The following C19orf38 variants were observed in gnomAD, a reference collection of about 807,000 sequenced individuals.
C19orf38 encodes chromosome 19 open reading frame 38.
A neutral mutation model predicts 26.6 loss-of-function variants in C19orf38; 14 were observed. The ratio of observed to expected loss-of-function variants is 0.53; its 90% CI spans 0.35 to 0.82. C19orf38 has a LOEUF of 0.82. Ranked by LOEUF, C19orf38 falls within the 40% of genes least tolerant of loss-of-function variation. The pLI is 0.01. For missense variants in C19orf38, 261 were observed against 299.5 expected (o/e 0.87, Z 0.95); for synonymous variants, 132 against 128.5 (o/e 1.03, Z -0.18).
chr19:10,863,181 G>T lies in C19orf38; in HGVS notation c.517G>T (p.Asp173Tyr). 6.4e-7 allele frequency: 1 copy of T among 1,551,442 alleles called. No individual in the cohort carries two copies. The highest frequency in any genetic ancestry group is 8.7e-7 in the Non-Finnish European group (1 of 1,146,852). The stretch of plus-strand genomic sequence containing the variant: ...TCTTTCTGTTTCAGACATGTCCTTC[G>T]ATAACTCCCTGTTTACCGTCTCCGC... ...INFDSTDMSF[D>Y]NSLFTVSAKT... The change falls in exon 6 of 7, where the codon GAT becomes TAT. Residue 173 changes from aspartate (D) to tyrosine (Y), a missense_variant. Asp to Tyr is a radical substitution (Grantham distance 160). Transcript: ENST00000397820.
intron 1 of C19orf38, among the ~76,000 whole-genome samples, chr19:10,843,151 A>T (rs1223154532): frequency 6.6e-6 from 1 of 152,226 alleles, no homozygotes; most frequent in Non-Finnish European, 1.5e-5. Flanking sequence ...TAAAGCGAAG[A>T]CACCACTCAA....
At chr19:10,856,507 T>A (rs1219378511) in intron 3 of C19orf38, 150 bp downstream of exon 3, 2 of 476,942 alleles carry the variant, frequency 4.2e-6, no homozygotes, top group Non-Finnish European at 6.9e-6. Flanking sequence ...TTTATTTATT[T>A]ATTATTTTTC....
intron 4 of C19orf38, 119 bp downstream of exon 4, chr19:10,858,462 T>C: frequency 3.1e-6 from 3 of 970,200 alleles, no homozygotes; most frequent in South Asian, 1.5e-5. Flanking sequence ...TGCTGCGTAA[T>C]AGGAACAGGA....
chr19:10,850,649 C>T, intron 2 of C19orf38, 82 bp downstream of exon 2: 15 of 1,433,032 alleles, frequency 1.0e-5, no homozygotes, highest in Non-Finnish European at 1.2e-5. Context: ...GACTCAGAGG[C>T]CTTCCCAGAA....
chr19:10,848,512 C>A lies in C19orf38; in HGVS notation c.4C>A (p.Pro2Thr), dbSNP rs1312220190. Residue 2 changes from proline to threonine, a missense_variant, in exon 1 of 7, where the codon CCC becomes ACC. Transcript: ENST00000397820. Reference protein sequence around the residue: MPWTILLFAAGS... With the variant: MTWTILLFAAGS... ...TCCCAGCCAAACGCAGAGAGAGATG[C>A]CCTGGACCATCTTGCTCTTTGCAGC... is the stretch of plus-strand genomic sequence containing the variant. 3.9e-6 allele frequency: 6 copies of A among 1,551,666 alleles called. No individual in the cohort carries two copies. The highest frequency in any genetic ancestry group is 5.2e-6 in the Non-Finnish European group (6 of 1,146,920).
At chr19:10,838,206 C>T (rs1053338898) in intron 1 of C19orf38, among the ~76,000 whole-genome samples, 3 of 152,112 alleles carry the variant, frequency 2.0e-5, no homozygotes, top group African/African-American at 4.8e-5. Context: ...GTCAGGAGAT[C>T]GAGACTATCC....
chr19:10,857,900 AAG>A (rs1357609668), intron 3 of C19orf38, among the ~76,000 whole-genome samples: 3 of 71,220 alleles, frequency 4.2e-5, no homozygotes, highest in African/African-American at 9.2e-5. Context: ...CAAAAAAAGA[AAG>A]AAAGAAAGAA....
At chr19:10,868,711 G>A (rs2073775364) in intron 6 of C19orf38, among the ~76,000 whole-genome samples, 1 of 152,048 alleles carries the variant, frequency 6.6e-6, no homozygotes. Flanking sequence ...TCACCATGTT[G>A]GCCAGGCTGG....
intron 2 of C19orf38, among the ~76,000 whole-genome samples, chr19:10,855,997 G>A (rs1209069855): frequency 2.0e-5 from 3 of 152,146 alleles, no homozygotes. Flanking sequence ...CTAGCCAGAG[G>A]AGTAAACCTC....
intron 6 of C19orf38, among the ~76,000 whole-genome samples, chr19:10,865,300 T>C (rs1268950210): frequency 2.2e-4 from 33 of 151,904 alleles, no homozygotes; most frequent in Non-Finnish European, 4.3e-4. Context: ...GCGCCTGCCA[T>C]CGCGCCCGGC....
intron 5 of C19orf38, among the ~76,000 whole-genome samples, chr19:10,860,534 C>CAAAAAAA (rs900601654): frequency 9.2e-5 from 2 of 21,848 alleles, no homozygotes; most frequent in Non-Finnish European, 7.5e-5. Flanking sequence ...GACTCCATCT[C>CAAAAAAA]AAAAAAAAAA....
intron 1 of C19orf38, chr19:10,842,130 T>C: frequency 6.3e-7 from 1 of 1,581,358 alleles, no homozygotes; most frequent in South Asian, 1.1e-5. Context: ...AGTTGACTCA[T>C]TCACTCAGGC....
At chr19:10,858,054 C>A (rs2073648849) in intron 3 of C19orf38, among the ~76,000 whole-genome samples, 1 of 151,256 alleles carries the variant, frequency 6.6e-6, no homozygotes, top group East Asian at 1.9e-4. Context: ...ACATGACGAA[C>A]CCTCTTCTCT....
chr19:10,860,030 A>C (rs1468150975), intron 5 of C19orf38, 72 bp downstream of exon 5: 15 of 1,426,238 alleles, frequency 1.1e-5, no homozygotes, highest in Non-Finnish European at 1.5e-5. Flanking sequence ...GCCTCATCAC[A>C]CACCAATCAA....
chr19:10,841,792 G>A, intron 1 of C19orf38: 1 of 1,003,136 alleles, frequency 1.0e-6, no homozygotes, highest in Non-Finnish European at 1.6e-6. Context: ...GGGCAGCATA[G>A]TGAGATCCCA....
chr19:10,869,085 G>A, intron 6 of C19orf38, 133 bp from the exon 7 acceptor site: 1 of 1,145,750 alleles, frequency 8.7e-7, no homozygotes, highest in South Asian at 1.4e-5. Context: ...GACCAGGACA[G>A]GTGGGTGTGG....
intron 1 of C19orf38, among the ~76,000 whole-genome samples, chr19:10,840,741 T>C (rs1223036060): frequency 1.3e-5 from 2 of 152,168 alleles, no homozygotes; most frequent in East Asian, 3.9e-4. Context: ...ATGGTCTCAA[T>C]CTCTTGACCT....
At chr19:10,859,873 G>A (rs767200520) in intron 4 of C19orf38, 42 bp from the exon 5 acceptor site, 5 of 1,539,710 alleles carry the variant, frequency 3.2e-6, no homozygotes. Context: ...GACTCAAGGG[G>A]CAACCCTGAT....
chr19:10,852,352 C>T (rs1182241951), intron 2 of C19orf38, among the ~76,000 whole-genome samples: 2 of 152,100 alleles, frequency 1.3e-5, no homozygotes, highest in African/African-American at 4.8e-5. Context: ...ACATTCCAGG[C>T]GGATGAGGAC....
Sources: allele counts gnomAD v4.1 joint callset (sites outside exome capture counted in the v4.1 genomes callset), GRCh38; gene constraint gnomAD v4.1.1; transcripts MANE v1.5; gene names NCBI Gene and HGNC (gene_info 2026-07-23, HGNC 2026-07-21).